Variants in PYY observed in about 807,000 individuals in gnomAD.
The protein encoded by PYY is peptide YY, also known as peptide tyrosine tyrosine.
Under a neutral mutation model 10.3 loss-of-function variants are expected in PYY, and 12 were observed. The ratio of observed to expected loss-of-function variants is 1.17; its 90% CI spans 0.75 to 1.89. The LOEUF is 1.89. PYY is among the 40% of genes most tolerant of loss of function. The pLI, the probability that PYY is intolerant of heterozygous loss-of-function variation, is 0.00. For missense variants in PYY, 141 were observed against 134.0 expected (o/e 1.05, Z -0.26); for synonymous variants, 66 against 62.0 (o/e 1.06, Z -0.30).
chr17:43,989,809 TAAAAAAAAAAAAA>T lies in PYY; in HGVS notation c.-463+14569_-463+14581del, dbSNP rs1174890162. ...GAGACAGACCAAGAGGCTGTCTCTT[TAAAAAAAAAAAAA>T]AAAAAAAAAAAAAAAAAAAAAATAT... On this transcript the variant is annotated intron_variant, in intron 1 of 6. Coordinates refer to the PYY transcript ENST00000360085. Among the ~76,000 whole-genome samples, 39 of 10,498 alleles carry T rather than the reference TAAAAAAAAAAAAA, an allele frequency of 3.7e-3. 2 individuals are homozygous for T. The highest frequency in any genetic ancestry group is 0.011 in the African/African-American group (27 of 2,544). The allele number at this position is 10,498 out of a possible 152,430, so 6.9% of individuals were successfully genotyped here.
chr17:43,961,424 A>C (rs1264723737), intron 2 of PYY, among the ~76,000 whole-genome samples: 1 of 152,224 alleles, frequency 6.6e-6, no homozygotes, highest in Non-Finnish European at 1.5e-5. Flanking sequence ...AGTTGGAAAT[A>C]AAGAGTATGA....
intron 1 of PYY, among the ~76,000 whole-genome samples, chr17:43,984,126 T>C (rs2048900821): frequency 6.6e-6 from 1 of 152,096 alleles, no homozygotes; most frequent in Non-Finnish European, 1.5e-5. Flanking sequence ...GCCCCTCTCC[T>C]TGGATCCAAG....
chr17:43,966,470 A>G (rs1287259588), exon 2 of PYY: 1 of 152,386 alleles, frequency 6.6e-6, no homozygotes, highest in African/African-American at 2.4e-5. Flanking sequence ...CAGGTCCAGG[A>G]ATTGGAATGT....
chr17:43,957,702 G>A (rs1050272282), upstream of PYY, among the ~76,000 whole-genome samples: 47 of 152,282 alleles, frequency 3.1e-4, no homozygotes, highest in African/African-American at 1.1e-3. Flanking sequence ...CATGGAATAT[G>A]TCTGATAAGT....
chr17:43,986,258 T>C (rs765801794), intron 1 of PYY, among the ~76,000 whole-genome samples: 5 of 152,026 alleles, frequency 3.3e-5, no homozygotes, highest in Non-Finnish European at 7.4e-5. Context: ...AGCAAAACTC[T>C]GTCTCAAAAA....
intron 1 of PYY, among the ~76,000 whole-genome samples, chr17:43,981,778 A>G (rs2048885413): frequency 6.6e-6 from 1 of 152,174 alleles, no homozygotes; most frequent in Non-Finnish European, 1.5e-5. Context: ...ATGAGCCACC[A>G]TGCTGGGCCC....
upstream of PYY, among the ~76,000 whole-genome samples, chr17:43,955,320 C>T (rs1405426002): frequency 6.6e-6 from 1 of 152,220 alleles, no homozygotes; most frequent in East Asian, 1.9e-4. Context: ...ATGGGGCCAA[C>T]TTGTCCAGGC....
chr17:43,984,155 TA>T (rs67418614), intron 1 of PYY, among the ~76,000 whole-genome samples: 8,833 of 152,146 alleles, frequency 0.058, 296 homozygotes, highest in East Asian at 0.14. Flanking sequence ...GGGTCGCTGT[TA>T]GGGGGGGCGC....
At chr17:43,953,963 C>T (rs2070592), upstream of PYY, 93,364 of 154,246 alleles carry the variant, frequency 0.61, 28,981 homozygotes, top group South Asian at 0.73. Flanking sequence ...CCTTGTGGGG[C>T]TTATATCCCC....
At chr17:43,985,557 C>G (rs2048911014) in intron 1 of PYY, among the ~76,000 whole-genome samples, 1 of 152,206 alleles carries the variant, frequency 6.6e-6, no homozygotes, top group Non-Finnish European at 1.5e-5. Context: ...CAGTAACACC[C>G]TCACTGGTGA....
At chr17:43,954,875 T>C (rs548094745), upstream of PYY, among the ~76,000 whole-genome samples, 23 of 152,314 alleles carry the variant, frequency 1.5e-4, no homozygotes, top group African/African-American at 5.5e-4. Flanking sequence ...ATGCACTAGG[T>C]AGTGCATAAT....
chr17:44,000,256 T>C (rs1424097080), intron 1 of PYY, among the ~76,000 whole-genome samples: 1 of 152,188 alleles, frequency 6.6e-6, no homozygotes, highest in Admixed American at 6.5e-5. Flanking sequence ...CATGCTCAGC[T>C]GTGTAGTGCA....
At chr17:43,979,008 G>A (rs1027314769) in intron 1 of PYY, among the ~76,000 whole-genome samples, 3 of 152,186 alleles carry the variant, frequency 2.0e-5, no homozygotes, top group African/African-American at 7.2e-5. Flanking sequence ...GGCTGGAGCT[G>A]AAGCAGTCAT....
intron 1 of PYY, among the ~76,000 whole-genome samples, chr17:43,976,225 A>ATGTATACATG (rs1330574092): frequency 9.3e-6 from 1 of 107,202 alleles, no homozygotes; most frequent in Non-Finnish European, 1.8e-5. Context: ...ATGTATACAT[A>ATGTATACATG]TATACATATG....
intron 1 of PYY, among the ~76,000 whole-genome samples, chr17:43,992,128 A>AG (rs2048961491): frequency 6.6e-6 from 1 of 151,264 alleles, no homozygotes; most frequent in South Asian, 2.1e-4. Context: ...TCAAAGAAAA[A>AG]AAAAAAAAAA....
chr17:43,970,505 T>C (rs1183370557), intron 1 of PYY, among the ~76,000 whole-genome samples: 1 of 132,606 alleles, frequency 7.5e-6, no homozygotes. Context: ...AGACCCTGTC[T>C]AAAAAAAAAA....
At chr17:43,956,021 G>A (rs762170876), upstream of PYY, among the ~76,000 whole-genome samples, 5 of 152,072 alleles carry the variant, frequency 3.3e-5, no homozygotes, top group Non-Finnish European at 7.4e-5. Flanking sequence ...GGACAGAGAC[G>A]AAGGAAACTG....
chr17:43,985,545 CACA>C, intron 1 of PYY, among the ~76,000 whole-genome samples: 1 of 152,200 alleles, frequency 6.6e-6, no homozygotes, highest in Non-Finnish European at 1.5e-5. Flanking sequence ...TCCCTCACAA[CACA>C]GTAACACCCT....
intron 1 of PYY, among the ~76,000 whole-genome samples, chr17:43,980,156 C>CTT (rs569138857): frequency 7.3e-4 from 73 of 100,642 alleles, no homozygotes; most frequent in Admixed American, 1.4e-3. Flanking sequence ...TCCCCTCCAC[C>CTT]TTTTTTTTTT....
Sources: allele counts gnomAD v4.1 joint callset (sites outside exome capture counted in the v4.1 genomes callset), GRCh38; gene constraint gnomAD v4.1.1; transcripts MANE v1.5; gene names NCBI Gene and HGNC (gene_info 2026-07-23, HGNC 2026-07-21).